SPHKAP: variants seen among roughly 807,000 people sequenced by gnomAD.
SPHKAP encodes the protein A-kinase anchor protein SPHKAP.
Under a neutral mutation model 137.5 loss-of-function variants are expected in SPHKAP, and 67 were observed. That is an observed-to-expected ratio of 0.49 (90% CI 0.40 to 0.60). The LOEUF (loss-of-function observed/expected upper bound fraction) is 0.60. SPHKAP is among the 20% of genes least tolerant of loss of function. SPHKAP has a pLI of 0.00. For missense variants in SPHKAP, 2,097 were observed against 2,069.3 expected (o/e 1.01, Z -0.26); for synonymous variants, 813 against 785.3 (o/e 1.04, Z -0.59).
chr2:228,160,892 C>T lies in SPHKAP; in HGVS notation c.32+20675G>A, dbSNP rs189544507. On this transcript the variant is annotated intron_variant, in intron 1 of 11. Transcript: ENST00000392056. ...TCTCTGCGCTCACAGGTAAACTTGG[C>T]CCAGATAACATTTATGTTTCATTTA... Among the ~76,000 whole-genome samples the T allele has an allele frequency of 2.6e-5, 4 of 152,300 alleles. No individual in the cohort carries two copies. The East Asian group carries it at 7.7e-4, about 29-fold the overall frequency.
At chr2:228,153,765 G>C (rs1700010796) in intron 1 of SPHKAP, among the ~76,000 whole-genome samples, 1 of 152,098 alleles carries the variant, frequency 6.6e-6, no homozygotes, top group South Asian at 2.1e-4. Context: ...CAAGAGGACT[G>C]ATGAATAATT....
intron 7 of SPHKAP, among the ~76,000 whole-genome samples, chr2:228,009,564 C>T (rs6743957): frequency 0.22 from 34,130 of 152,010 alleles, 4,089 homozygotes; most frequent in East Asian, 0.39. Flanking sequence ...TGATTATACT[C>T]CTTATAATGA....
At chr2:227,988,301 T>C (rs904910291) in intron 11 of SPHKAP, among the ~76,000 whole-genome samples, 2 of 152,324 alleles carry the variant, frequency 1.3e-5, no homozygotes, top group East Asian at 1.9e-4. Context: ...GTTCCTAAGA[T>C]TACATTATTT....
At chr2:228,066,878 G>C (rs530378454) in intron 3 of SPHKAP, among the ~76,000 whole-genome samples, 3 of 152,268 alleles carry the variant, frequency 2.0e-5, no homozygotes, top group South Asian at 4.1e-4. Flanking sequence ...GTAAATGGAA[G>C]GGTAATACTT....
chr2:228,127,619 TTC>T (rs1449345731), intron 2 of SPHKAP, among the ~76,000 whole-genome samples: 1 of 152,224 alleles, frequency 6.6e-6, no homozygotes. Context: ...TGGGTGTATA[TTC>T]TCTTTCTCAA....
intron 3 of SPHKAP, among the ~76,000 whole-genome samples, chr2:228,085,731 G>A (rs188062210): frequency 1.4e-4 from 22 of 152,192 alleles, no homozygotes; most frequent in Admixed American, 1.2e-3. Context: ...AGTGACCTCC[G>A]TTACAGGTTT....
At chr2:228,180,393 T>G (rs1042305351) in intron 1 of SPHKAP, among the ~76,000 whole-genome samples, 1 of 142,174 alleles carries the variant, frequency 7.0e-6, no homozygotes, top group East Asian at 2.5e-4. Flanking sequence ...CCACCTCCCC[T>G]CCCACCGCAT....
In SPHKAP at chr2:228,076,588, T is replaced by C. The variant is rs113136322; in HGVS notation, c.246+32244A>G. ...GGGACATTTTGCCCTGCCCTAGAGA[T>C]TGGTGGAACTTTGAACTTGAGGGAG... On this transcript the variant is annotated intron_variant, in intron 3 of 11. Coordinates refer to ENST00000392056, the MANE Select transcript of SPHKAP (RefSeq NM_001142644.2). Among the ~76,000 whole-genome samples, 823 of 152,242 alleles carry C rather than the reference T, an allele frequency of 5.4e-3. 6 individuals carry two copies. The highest frequency in any genetic ancestry group is 0.019 in the African/African-American group (775 of 41,540).
At chr2:228,172,054 T>TTG (rs1700602262) in intron 1 of SPHKAP, among the ~76,000 whole-genome samples, 1 of 152,088 alleles carries the variant, frequency 6.6e-6, no homozygotes, top group African/African-American at 2.4e-5. Context: ...TCTTATAAAG[T>TTG]TGTGTGTGTG....
chr2:228,117,379 A>G (rs1202095142), intron 2 of SPHKAP, among the ~76,000 whole-genome samples: 1 of 152,128 alleles, frequency 6.6e-6, no homozygotes, highest in East Asian at 1.9e-4. Flanking sequence ...AGAGAAGCCC[A>G]TTGGAAGAGG....
At chr2:228,036,963 A>G (rs969427566) in intron 3 of SPHKAP, among the ~76,000 whole-genome samples, 2 of 152,108 alleles carry the variant, frequency 1.3e-5, no homozygotes, top group South Asian at 2.1e-4. Context: ...CAGCACACCA[A>G]CATGGCACCT....
At position 228,108,949 on chromosome 2, in the gene SPHKAP, C is replaced by G; in HGVS notation, c.139-10G>C. On this transcript the variant is annotated splice_polypyrimidine_tract_variant and intron_variant, in intron 2 of 11. Transcript: ENST00000392056. ...TATTGCTGCGAAGAACCTGGAGGAACCCAGAAAAACTCAGTTCTTATTCGG... is the reference window on the plus strand; with the variant it reads ...TATTGCTGCGAAGAACCTGGAGGAAGCCAGAAAAACTCAGTTCTTATTCGG... 6.4e-7 allele frequency: 1 copy of G among 1,556,770 alleles called. No homozygotes were observed. Among genetic ancestry groups the G allele is most frequent in the Admixed American group, 2.1e-5 (1 of 48,250 alleles).
At chr2:228,135,409 C>T (rs192665835) in intron 1 of SPHKAP, among the ~76,000 whole-genome samples, 5 of 152,132 alleles carry the variant, frequency 3.3e-5, no homozygotes, top group Admixed American at 2.6e-4. Context: ...ACTAAAAGGT[C>T]GGCCTTGAAA....
chr2:228,070,256 G>C (rs61514217), intron 3 of SPHKAP, among the ~76,000 whole-genome samples: 2,813 of 152,180 alleles, frequency 0.018, 84 homozygotes, highest in African/African-American at 0.062. Context: ...AAATAAGCTA[G>C]AGACATAATT....
At chr2:228,010,173 A>G (rs192157373) in intron 7 of SPHKAP, among the ~76,000 whole-genome samples, 37 of 152,252 alleles carry the variant, frequency 2.4e-4, no homozygotes, top group South Asian at 8.3e-4. Flanking sequence ...CCTTCGCTCA[A>G]TGTGCTGCTT....
At chr2:228,078,455 A>G (rs570824197) in intron 3 of SPHKAP, among the ~76,000 whole-genome samples, 1 of 147,518 alleles carries the variant, frequency 6.8e-6, no homozygotes, top group Non-Finnish European at 1.5e-5. Flanking sequence ...CCTCTGGTGC[A>G]TTTATTTAAC....
intron 2 of SPHKAP, among the ~76,000 whole-genome samples, chr2:228,111,435 A>G (rs1357037588): frequency 1.3e-5 from 2 of 152,186 alleles, no homozygotes; most frequent in Non-Finnish European, 2.9e-5. Context: ...TACTATTTGA[A>G]GGTGGCTGAA....
intron 3 of SPHKAP, among the ~76,000 whole-genome samples, chr2:228,082,298 G>A (rs114604422): frequency 9.0e-4 from 137 of 152,246 alleles, no homozygotes; most frequent in African/African-American, 3.0e-3. Context: ...AGATTTCATC[G>A]CTTTATAATC....
intron 7 of SPHKAP, among the ~76,000 whole-genome samples, chr2:228,001,676 C>T (rs1693907453): frequency 6.6e-6 from 1 of 151,410 alleles, no homozygotes; most frequent in South Asian, 2.1e-4. Context: ...CCCATTAACT[C>T]GTCATTTACA....
Sources: gnomAD v4.1 joint callset for allele counts (sites outside exome capture counted in the v4.1 genomes callset) on GRCh38, gnomAD v4.1.1 for gene constraint, MANE v1.5 for transcripts, NCBI Gene and HGNC (gene_info 2026-07-23, HGNC 2026-07-21) for gene names.